The following ARHGEF26 variants were observed in gnomAD, a reference collection of about 807,000 sequenced individuals.
ARHGEF26 encodes Rho guanine nucleotide exchange factor 26.
A neutral mutation model predicts 89.4 loss-of-function variants in ARHGEF26; 59 were observed. The observed-to-expected ratio is 0.66, with a 90% CI of 0.54 to 0.82. The LOEUF (loss-of-function observed/expected upper bound fraction) is 0.82, where lower values mean the gene tolerates loss of function less well. Among genes scored for constraint, ARHGEF26 ranks in the 40% least tolerant of loss-of-function variants. The probability of loss-of-function intolerance (pLI) is 0.00; values close to 1 mark genes in which losing one functional copy is unlikely to be tolerated. For missense variants in ARHGEF26, 1,234 were observed against 1,085.6 expected, an observed-to-expected ratio of 1.14 and a Z score of -1.92; for synonymous variants, 500 against 428.4, an observed-to-expected ratio of 1.17 and a Z score of -2.06.
chr3:154,239,866 G>C (rs1717383226), intron 11 of ARHGEF26, among the ~76,000 whole-genome samples: 1 of 152,146 alleles, frequency 6.6e-6, no homozygotes, highest in African/African-American at 2.4e-5. Context: ...GTGAGGCTCT[G>C]AGTGTGGGAC....
At chr3:154,159,442 G>A (rs1711540358) in intron 6 of ARHGEF26, among the ~76,000 whole-genome samples, 1 of 152,048 alleles carries the variant, frequency 6.6e-6, no homozygotes, top group Admixed American at 6.6e-5. Flanking sequence ...AACATATAAT[G>A]AGCAGTGAAT....
Position 154,255,570 on chromosome 3 carries a change from TTTAA to T in ARHGEF26, c.*102_*105del, listed in dbSNP as rs1576838861. On this transcript the variant is annotated 3_prime_UTR_variant, in exon 15 of 15. Coordinates refer to ENST00000465093, the MANE Select transcript of ARHGEF26 (RefSeq NM_015595.4). ...TTATTGTTAATTTTGTCACAGCCTA[TTTAA>T]TTAAAAGAACGAAAACACTTGCCTT... 26 of 1,490,398 alleles carry T rather than the reference TTTAA, an allele frequency of 1.7e-5. No homozygotes were observed. The highest frequency in any genetic ancestry group is 2.1e-5 in the Non-Finnish European group (24 of 1,123,282). The allele number at this position is 1,490,398 out of a possible 1,614,324, so 92.3% of individuals were successfully genotyped here.
chr3:154,241,993 C>T (rs1306067541), intron 12 of ARHGEF26, among the ~76,000 whole-genome samples: 1 of 152,274 alleles, frequency 6.6e-6, no homozygotes, highest in East Asian at 1.9e-4. Context: ...TTTGGCCAAG[C>T]CAAGAATCTT....
chr3:154,249,515 C>T (rs920196208), intron 12 of ARHGEF26, among the ~76,000 whole-genome samples: 2 of 152,198 alleles, frequency 1.3e-5, no homozygotes, highest in African/African-American at 4.8e-5. Context: ...AGTCGTCTTT[C>T]TCTACGTAGG....
intron 3 of ARHGEF26, among the ~76,000 whole-genome samples, chr3:154,127,600 A>ATTTTT (rs59102588): frequency 7.2e-6 from 1 of 139,766 alleles, no homozygotes; most frequent in African/African-American, 2.6e-5. Flanking sequence ...ACAGTTAACT[A>ATTTTT]TTTTTTTTTT....
At chr3:154,234,854 C>T (rs1029053918) in intron 11 of ARHGEF26, among the ~76,000 whole-genome samples, 25 of 152,288 alleles carry the variant, frequency 1.6e-4, no homozygotes, top group African/African-American at 6.0e-4. Flanking sequence ...CAAGGTCCGC[C>T]TCTCAGGTTC....
intron 9 of ARHGEF26, among the ~76,000 whole-genome samples, chr3:154,199,097 G>C (rs1714463339): frequency 2.6e-5 from 4 of 151,758 alleles, no homozygotes; most frequent in Admixed American, 2.0e-4. Flanking sequence ...AAAATGTAGG[G>C]GGTTATTATT....
chr3:154,234,726 C>T (rs1295695239), intron 11 of ARHGEF26, among the ~76,000 whole-genome samples: 1 of 152,096 alleles, frequency 6.6e-6, no homozygotes, highest in African/African-American at 2.4e-5. Context: ...CTTTGAATTT[C>T]TGCAGCTTTA....
chr3:154,161,131 T>C (rs1277619953), intron 6 of ARHGEF26, among the ~76,000 whole-genome samples: 2 of 144,326 alleles, frequency 1.4e-5, no homozygotes, highest in Non-Finnish European at 1.5e-5. Context: ...TGTGTGTGTG[T>C]GTGTGTGTGT....
chr3:154,199,070 G>C (rs763683601), intron 9 of ARHGEF26, among the ~76,000 whole-genome samples: 63 of 151,876 alleles, frequency 4.1e-4, no homozygotes, highest in African/African-American at 1.5e-3. Flanking sequence ...AAATAATTCA[G>C]TTAAACTCTT....
At chr3:154,239,208 C>T (rs1471858160) in intron 11 of ARHGEF26, among the ~76,000 whole-genome samples, 6 of 144,828 alleles carry the variant, frequency 4.1e-5, no homozygotes, top group African/African-American at 1.5e-4. Context: ...TTACAGGAGA[C>T]TTCAAGAAAG....
At chr3:154,183,994 A>G (rs2108168327) in intron 6 of ARHGEF26, among the ~76,000 whole-genome samples, 1 of 98,494 alleles carries the variant, frequency 1.0e-5, no homozygotes, top group Non-Finnish European at 2.4e-5. Context: ...TTTTTTTGAG[A>G]CGGAGTCTCG....
chr3:154,223,011 C>G (rs947247050), intron 10 of ARHGEF26, among the ~76,000 whole-genome samples: 2 of 152,122 alleles, frequency 1.3e-5, no homozygotes, highest in African/African-American at 2.4e-5. Flanking sequence ...TGTCTCAAAT[C>G]CAGTGTTTTT....
chr3:154,149,368 C>T lies in ARHGEF26; in HGVS notation c.1270-21C>T, dbSNP rs768686133. On this transcript the variant is annotated intron_variant, in intron 4 of 14. Coordinates refer to ENST00000465093, the MANE Select transcript of ARHGEF26 (RefSeq NM_015595.4). ...TAAAGTATTAATAAATGAGTCAACT[C>T]TACTTTGCTTTTTCTCCTAGGTGAA... is the stretch of plus-strand genomic sequence containing the variant. The T allele has an allele frequency of 1.9e-6, 3 of 1,589,944 alleles. No homozygotes were observed. The Admixed American group carries it at 5.2e-5, about 28-fold the overall frequency.
intron 8 of ARHGEF26, among the ~76,000 whole-genome samples, chr3:154,193,842 G>GTTTTTTTTTTTTTT (rs149514592): frequency 2.3e-4 from 34 of 150,014 alleles, no homozygotes; most frequent in African/African-American, 8.4e-4. Context: ...GTTTTTTTGG[G>GTTTTTTTTTTTTTT]TTTTTTTTTG....
Position 154,122,760 on chromosome 3 carries a change from C to T in ARHGEF26, c.768C>T (p.Ala256=), listed in dbSNP as rs759934521. The change falls in exon 2 of 15, where the codon GCC becomes GCT. Residue 256 remains alanine (A), a synonymous_variant. Coordinates refer to ENST00000465093, the MANE Select transcript of ARHGEF26 (RefSeq NM_015595.4). The part of the protein sequence containing the change: ...GKQQIIPKSL[A]SEIKISKSNN... ...AGCAGATCATTCCGAAGAGTCTGGC[C>T]TCGGAAATTAAAATAAGTAAATCCA... 4 of 1,611,320 alleles carry T rather than the reference C, an allele frequency of 2.5e-6. No individual in the cohort carries two copies. In the South Asian group the frequency reaches 3.3e-5, roughly 13 times the overall value.
intron 11 of ARHGEF26, among the ~76,000 whole-genome samples, chr3:154,227,754 C>T (rs1408148959): frequency 6.6e-6 from 1 of 152,122 alleles, no homozygotes; most frequent in Non-Finnish European, 1.5e-5. Flanking sequence ...TTAACATCTT[C>T]CAGCTGTTGA....
chr3:154,249,415 ACAT>A (rs1329244289), intron 12 of ARHGEF26, among the ~76,000 whole-genome samples: 2 of 152,242 alleles, frequency 1.3e-5, no homozygotes, highest in African/African-American at 2.4e-5. Flanking sequence ...AACTGTAGAA[ACAT>A]CATTTCATGC....
At chr3:154,253,833 A>G (rs1018717796) in intron 13 of ARHGEF26, among the ~76,000 whole-genome samples, 6 of 152,210 alleles carry the variant, frequency 3.9e-5, no homozygotes, top group Admixed American at 6.5e-5. Flanking sequence ...GGAACACTCA[A>G]AAATTATAGC....
Sources: allele counts gnomAD v4.1 joint callset (sites outside exome capture counted in the v4.1 genomes callset), GRCh38; gene constraint gnomAD v4.1.1; transcripts MANE v1.5; gene names NCBI Gene and HGNC (gene_info 2026-07-23, HGNC 2026-07-21).